Variants in CDH12 observed in about 807,000 individuals in gnomAD.
The protein encoded by CDH12 is cadherin 12, also known as cadherin-12.
CDH12 carries 41 observed loss-of-function variants against 74.1 expected under a neutral mutation model. The observed-to-expected ratio is 0.55, with a 90% CI of 0.43 to 0.72. The LOEUF is 0.72. Ranked by LOEUF, CDH12 falls within the 30% of genes least tolerant of loss-of-function variation. The pLI, the probability that CDH12 is intolerant of heterozygous loss-of-function variation, is 0.00. For missense variants in CDH12, 945 were observed against 977.2 expected (o/e 0.97, Z 0.44); for synonymous variants, 399 against 355.0 (o/e 1.12, Z -1.39).
intron 11 of CDH12, among the ~76,000 whole-genome samples, chr5:21,767,826 AC>A (rs1433033945): frequency 2.6e-5 from 4 of 151,750 alleles, no homozygotes; most frequent in African/African-American, 9.7e-5. Flanking sequence ...AGAAGCAACA[AC>A]ATCTCAGTTT....
At chr5:22,418,843 C>G (rs1347925150) in intron 2 of CDH12, among the ~76,000 whole-genome samples, 1 of 152,056 alleles carries the variant, frequency 6.6e-6, no homozygotes, top group Non-Finnish European at 1.5e-5. Context: ...GAGATCACAC[C>G]ACTGCACTCC....
chr5:21,986,399 A>G (rs1374951010), intron 5 of CDH12, among the ~76,000 whole-genome samples: 1 of 152,200 alleles, frequency 6.6e-6, no homozygotes, highest in African/African-American at 2.4e-5. Flanking sequence ...TTGCAACTTT[A>G]GCTCACTCCA....
At chr5:21,915,486 G>T (rs569794415) in intron 6 of CDH12, among the ~76,000 whole-genome samples, 1 of 152,282 alleles carries the variant, frequency 6.6e-6, no homozygotes, top group African/African-American at 2.4e-5. Flanking sequence ...AAGGCACTTG[G>T]AGATCACATT....
At chr5:22,022,881 A>G (rs1738078674) in intron 5 of CDH12, among the ~76,000 whole-genome samples, 1 of 152,092 alleles carries the variant, frequency 6.6e-6, no homozygotes, top group Non-Finnish European at 1.5e-5. Flanking sequence ...TTTTAGCTCT[A>G]TTCCCATCAT....
chr5:21,896,002 A>G (rs1212144647), intron 6 of CDH12, among the ~76,000 whole-genome samples: 1 of 152,168 alleles, frequency 6.6e-6, no homozygotes, highest in Non-Finnish European at 1.5e-5. Context: ...CTTGGGAGCT[A>G]GCAGATGTGC....
intron 8 of CDH12, among the ~76,000 whole-genome samples, chr5:21,819,208 G>T (rs536752773): frequency 6.6e-6 from 1 of 151,964 alleles, no homozygotes; most frequent in East Asian, 1.9e-4. Context: ...ACTTTCTTTA[G>T]ATCATAAATA....
At chr5:22,823,221 C>T (rs569799570) in intron 1 of CDH12, among the ~76,000 whole-genome samples, 55 of 89,302 alleles carry the variant, frequency 6.2e-4, no homozygotes, top group East Asian at 4.6e-3. Flanking sequence ...CATCACACTC[C>T]GGGGACTGTT....
chr5:22,173,381 TATATA>T lies in CDH12; in HGVS notation c.-187+39112_-187+39116del, dbSNP rs995167570. Among the ~76,000 whole-genome samples the T allele has an allele frequency of 1.4e-3, 196 of 142,708 alleles. 1 individual carries two copies. Among genetic ancestry groups the T allele is most frequent in the African/African-American group, 4.5e-3 (182 of 40,502 alleles). 93.6% of individuals were successfully genotyped at this position (142,708 alleles called of 152,430 possible). On this transcript the variant is annotated intron_variant, in intron 4 of 14. Coordinates refer to ENST00000382254, the MANE Select transcript of CDH12 (RefSeq NM_004061.5). ...TATATAATTATAATACATACACTTTTATATAATATAAATATTAATAAATATTAATA... is the reference window on the plus strand; with the variant it reads ...TATATAATTATAATACATACACTTTTATATAAATATTAATAAATATTAATA...
At chr5:22,123,549 A>T (rs148985869) in intron 4 of CDH12, among the ~76,000 whole-genome samples, 5 of 152,366 alleles carry the variant, frequency 3.3e-5, no homozygotes, top group African/African-American at 1.2e-4. Flanking sequence ...AGAAAGCCAG[A>T]GAAAAAGGAA....
At chr5:22,684,981 A>C (rs1020277201) in intron 1 of CDH12, among the ~76,000 whole-genome samples, 2 of 152,098 alleles carry the variant, frequency 1.3e-5, no homozygotes, top group African/African-American at 4.8e-5. Context: ...CAAAGGGGAA[A>C]ATTTCTCCCT....
chr5:22,078,640 C>A lies in CDH12; in HGVS notation c.37G>T (p.Val13Phe), dbSNP rs1327860029. 1 of 1,613,594 alleles carries A rather than the reference C, an allele frequency of 6.2e-7. No individual in the cohort carries two copies. Among genetic ancestry groups the A allele is most frequent in the Non-Finnish European group, 8.5e-7 (1 of 1,179,776 alleles). The change falls in exon 5 of 15, where the codon GTT becomes TTT. Residue 13 changes from valine to phenylalanine, a missense_variant. Val to Phe is a conservative substitution (Grantham distance 50, BLOSUM62 -1). Transcript: ENST00000382254. ...TRNCLSLLLW[V>F]LFDGGLLTPL... is the part of the protein sequence containing the mutation. The stretch of plus-strand genomic sequence containing the variant: ...GTTAGGAGACCTCCATCAAACAGAA[C>A]CCAGAGAAGCAGGGATAAACAGTTC...
chr5:22,127,584 T>A (rs1238347729), intron 4 of CDH12, among the ~76,000 whole-genome samples: 1 of 151,976 alleles, frequency 6.6e-6, no homozygotes, highest in East Asian at 1.9e-4. Context: ...ATTTGAACCA[T>A]AGAACATTAA....
intron 6 of CDH12, among the ~76,000 whole-genome samples, chr5:21,872,981 A>G (rs1751725256): frequency 6.6e-6 from 1 of 151,902 alleles, no homozygotes; most frequent in Admixed American, 6.6e-5. Flanking sequence ...AAAGAAAAAA[A>G]CATACATATG....
At position 21,941,809 on chromosome 5, in the gene CDH12, T is replaced by C. The variant is rs552970668; in HGVS notation, c.526+33282A>G. ...TAATGGGGAGAACTGTGTGGCTGAC[T>C]TTTTTTTTTCCCAATCTAGCTTCCT... On this transcript the variant is annotated intron_variant, in intron 6 of 14. Coordinates refer to ENST00000382254, the MANE Select transcript of CDH12 (RefSeq NM_004061.5). Among the ~76,000 whole-genome samples, 5 of 81,662 alleles carry C rather than the reference T, an allele frequency of 6.1e-5. No individual in the cohort carries two copies. In the East Asian group the frequency reaches 1.2e-3, roughly 19 times the overall value. The allele number at this position is 81,662 out of a possible 152,430, so 53.6% of individuals were successfully genotyped here.
At chr5:22,694,767 T>A (rs1742261236) in intron 1 of CDH12, among the ~76,000 whole-genome samples, 1 of 151,032 alleles carries the variant, frequency 6.6e-6, no homozygotes, top group Non-Finnish European at 1.5e-5. Flanking sequence ...TAAGTTACTA[T>A]GGCATATATA....
chr5:21,983,612 C>G (rs184167840), intron 5 of CDH12, among the ~76,000 whole-genome samples: 1 of 152,108 alleles, frequency 6.6e-6, no homozygotes, highest in East Asian at 1.9e-4. Flanking sequence ...TCCTTCAGCA[C>G]TCAGAAATTT....
At chr5:22,071,841 CA>C (rs1437834357) in intron 5 of CDH12, among the ~76,000 whole-genome samples, 1 of 152,076 alleles carries the variant, frequency 6.6e-6, no homozygotes. Context: ...ACTAATAAAA[CA>C]GAAGTCAGAA....
At chr5:22,418,186 G>A (rs149590015) in intron 2 of CDH12, among the ~76,000 whole-genome samples, 6,143 of 152,046 alleles carry the variant, frequency 0.04, 429 homozygotes, top group African/African-American at 0.14. Flanking sequence ...ATATTCCTAG[G>A]TATTTTAGTC....
At chr5:22,162,233 T>A (rs1232017773) in intron 4 of CDH12, among the ~76,000 whole-genome samples, 2 of 152,110 alleles carry the variant, frequency 1.3e-5, no homozygotes, top group Non-Finnish European at 2.9e-5. Flanking sequence ...CTCTGAACTT[T>A]GAAGGCCCAC....
Sources: allele counts gnomAD v4.1 joint callset (sites outside exome capture counted in the v4.1 genomes callset), GRCh38; gene constraint gnomAD v4.1.1; transcripts MANE v1.5; gene names NCBI Gene and HGNC (gene_info 2026-07-23, HGNC 2026-07-21).